The following SLC22A2 variants were observed in gnomAD, a reference collection of about 807,000 sequenced individuals.
The protein encoded by SLC22A2 is solute carrier family 22 member 2.
Under a neutral mutation model 60.5 loss-of-function variants are expected in SLC22A2, and 46 were observed. The observed-to-expected ratio is 0.76, with a 90% confidence interval of 0.60 to 0.97. SLC22A2 has a LOEUF of 0.97. Ranked by LOEUF, SLC22A2 falls within the 50% of genes least tolerant of loss-of-function variation. The pLI is 0.00. For missense variants in SLC22A2, 701 were observed against 706.6 expected (o/e 0.99, Z 0.09); for synonymous variants, 303 against 267.0 (o/e 1.13, Z -1.31).
intron 2 of SLC22A2, among the ~76,000 whole-genome samples, chr6:160,253,049 T>C (rs1783213355): frequency 6.6e-6 from 1 of 152,158 alleles, no homozygotes; most frequent in East Asian, 1.9e-4. Context: ...AGCACCAAAA[T>C]TGGGGCTTAG....
intron 2 of SLC22A2, among the ~76,000 whole-genome samples, chr6:160,253,843 A>T (rs2114871703): frequency 6.6e-6 from 1 of 152,254 alleles, no homozygotes; most frequent in African/African-American, 2.4e-5. Flanking sequence ...AGCCAACTCT[A>T]TGTCCTGTGA....
chr6:160,221,106 G>A (rs1479865401), intron 10 of SLC22A2, among the ~76,000 whole-genome samples: 1 of 152,202 alleles, frequency 6.6e-6, no homozygotes, highest in South Asian at 2.1e-4. Context: ...AGGCTGTTGT[G>A]TCTATATTGA....
intron 9 of SLC22A2, among the ~76,000 whole-genome samples, chr6:160,239,760 T>C (rs2114861510): frequency 6.6e-6 from 1 of 152,324 alleles, no homozygotes; most frequent in East Asian, 1.9e-4. Context: ...AGCTACTCTG[T>C]GGCCAAGTTA....
chr6:160,243,494 G>C, intron 7 of SLC22A2, 78 bp downstream of exon 7: 1 of 1,069,030 alleles, frequency 9.4e-7, no homozygotes, highest in South Asian at 1.3e-5. Context: ...AAATTACATG[G>C]TTTTCCTATC....
intron 3 of SLC22A2, among the ~76,000 whole-genome samples, chr6:160,249,748 A>T (rs1783154000): frequency 6.6e-6 from 1 of 152,230 alleles, no homozygotes; most frequent in Non-Finnish European, 1.5e-5. Context: ...ACCGTAGATG[A>T]TTTTTATGTA....
rs1400880670 is a variant in SLC22A2 at position 160,245,501 on chromosome 6, T to C, written c.1002A>G (p.Ser334=). Residue 334 remains serine (S), a synonymous_variant, in exon 6 of 11, where the codon TCA becomes TCG. Transcript: ENST00000366953. The stretch of plus-strand genomic sequence containing the variant: ...GAGGAGTTCTGACCAAGTCAAGAAA[T>C]GAAGGGTTCAATTTCTTGCCAGTTT... ...EEETGKKLNP[S]FLDLVRTPQI... is the part of the protein sequence containing the mutation. The C allele has an allele frequency of 1.9e-6, 3 of 1,611,264 alleles. No individual in the cohort carries two copies. The highest frequency in any genetic ancestry group is 3.3e-5 in the Admixed American group (2 of 59,734).
intron 9 of SLC22A2, among the ~76,000 whole-genome samples, chr6:160,226,299 G>T (rs1050571871): frequency 6.6e-6 from 1 of 152,070 alleles, no homozygotes; most frequent in East Asian, 1.9e-4. Flanking sequence ...TAAAAACTTT[G>T]CTCCCCAAAT....
At chr6:160,252,594 G>A (rs140935079) in intron 2 of SLC22A2, among the ~76,000 whole-genome samples, 1,599 of 152,256 alleles carry the variant, frequency 0.011, 28 homozygotes, top group African/African-American at 0.037. Context: ...GACAGGAAGG[G>A]TGGACTCCCC....
chr6:160,217,510 A>T lies in SLC22A2; in HGVS notation c.1602-12T>A. On this transcript the variant is annotated splice_polypyrimidine_tract_variant and intron_variant, in intron 10 of 10. Transcript: ENST00000366953. ...TATTTTTTCTTGGTCTGCAATAAGA[A>T]ATAAAAATGGAGAGGGGAGAAAGAA... 6.7e-7 allele frequency: 1 copy of T among 1,491,430 alleles called. No homozygotes were observed. Among genetic ancestry groups the T allele is most frequent in the Non-Finnish European group, 9.3e-7 (1 of 1,071,030 alleles). The allele number at this position is 1,491,430 out of a possible 1,614,324, so 92.4% of individuals were successfully genotyped here.
rs1318646520 is a variant in SLC22A2, at chr6:160,258,708, A to C, written c.50T>G (p.Phe17Cys). Reference sequence around the variant, plus strand: ...GAGGAAAAACATTTGCTTCTGGAAAAAGTGAAACTCCCCTCCATGCTCCAG... The same window carrying C: ...GAGGAAAAACATTTGCTTCTGGAAACAGTGAAACTCCCCTCCATGCTCCAG... ...DVLEHGGEFHFFQKQMFFLLA... is the reference protein window; with the variant it reads ...DVLEHGGEFHCFQKQMFFLLA... Residue 17 changes from phenylalanine (F) to cysteine (C), a missense_variant, in exon 1 of 11, where the codon TTT becomes TGT. Phe to Cys is a radical substitution (Grantham distance 205). Coordinates refer to ENST00000366953, the MANE Select transcript of SLC22A2 (RefSeq NM_003058.4). 1 of 1,598,022 alleles carries C rather than the reference A, an allele frequency of 6.3e-7. No homozygotes were observed. The highest frequency in any genetic ancestry group is 8.5e-7 in the Non-Finnish European group (1 of 1,171,376).
intron 9 of SLC22A2, among the ~76,000 whole-genome samples, chr6:160,232,801 G>A (rs570029058): frequency 1.3e-5 from 2 of 151,768 alleles, no homozygotes; most frequent in Non-Finnish European, 1.5e-5. Context: ...TATCCCTCAC[G>A]GCAGTTTTTC....
chr6:160,243,850 C>A (rs1783051443), intron 6 of SLC22A2, 64 bp from the exon 7 acceptor site: 2 of 1,164,586 alleles, frequency 1.7e-6, no homozygotes, highest in Admixed American at 1.9e-5. Context: ...AAAAGAGAGG[C>A]TTCTGGAAAA....
At chr6:160,247,091 A>G (rs1783106708) in intron 5 of SLC22A2, 93 bp downstream of exon 5, 3 of 752,958 alleles carry the variant, frequency 4.0e-6, no homozygotes, top group Non-Finnish European at 6.9e-6. Flanking sequence ...GGGTGCTTCC[A>G]TGGTTCCCTG....
intron 10 of SLC22A2, among the ~76,000 whole-genome samples, chr6:160,221,829 C>T (rs959400696): frequency 3.3e-5 from 5 of 152,108 alleles, no homozygotes; most frequent in Non-Finnish European, 7.4e-5. Context: ...ATAGCAGTAT[C>T]AAAGATCACT....
At chr6:160,257,111 A>G (rs1470629542) in intron 1 of SLC22A2, among the ~76,000 whole-genome samples, 1 of 152,160 alleles carries the variant, frequency 6.6e-6, no homozygotes, top group Non-Finnish European at 1.5e-5. Context: ...CCATCTGGCA[A>G]TTTGTCATGA....
chr6:160,245,669 C>A, intron 5 of SLC22A2, 124 bp from the exon 6 acceptor site: 1 of 467,416 alleles, frequency 2.1e-6, no homozygotes, highest in Non-Finnish European at 3.8e-6. Context: ...CTAGAGCAAG[C>A]ACTTTCCATA....
chr6:160,237,928 G>C (rs903529889), intron 9 of SLC22A2, among the ~76,000 whole-genome samples: 1 of 152,186 alleles, frequency 6.6e-6, no homozygotes, highest in Non-Finnish European at 1.5e-5. Context: ...CCAGTGCCAT[G>C]ACAGTTTACA....
intron 9 of SLC22A2, among the ~76,000 whole-genome samples, chr6:160,227,226 C>T (rs1782738543): frequency 6.6e-6 from 1 of 152,126 alleles, no homozygotes; most frequent in African/African-American, 2.4e-5. Context: ...GAAACATTTG[C>T]CATTGATTTT....
chr6:160,217,395 C>A lies in SLC22A2; in HGVS notation c.*37G>T, dbSNP rs1782557660. The A allele has an allele frequency of 7.1e-7, 1 of 1,411,984 alleles. No individual in the cohort carries two copies. Among genetic ancestry groups the A allele is most frequent in the Admixed American group, 1.8e-5 (1 of 56,218 alleles). The allele number at this position is 1,411,984 out of a possible 1,614,324, so 87.5% of individuals were successfully genotyped here. On this transcript the variant is annotated 3_prime_UTR_variant, in exon 11 of 11. Coordinates refer to ENST00000366953, the MANE Select transcript of SLC22A2 (RefSeq NM_003058.4). Reference sequence around the variant, plus strand: ...TTTCTACTTTTGGTCTTGCTGCCATCAAAGCTAGGTCATGACAGCAGCAAC... The same window carrying A: ...TTTCTACTTTTGGTCTTGCTGCCATAAAAGCTAGGTCATGACAGCAGCAAC...
Sources: allele counts gnomAD v4.1 joint callset (sites outside exome capture counted in the v4.1 genomes callset), GRCh38; gene constraint gnomAD v4.1.1; transcripts MANE v1.5; gene names NCBI Gene and HGNC (gene_info 2026-07-23, HGNC 2026-07-21).